ATP8A2: variants seen among roughly 807,000 people sequenced by gnomAD.
ATP8A2 encodes ATPase phospholipid transporting 8A2.
A neutral mutation model predicts 165.6 loss-of-function variants in ATP8A2; 100 were observed. That is an observed-to-expected ratio of 0.60 (90% CI 0.51 to 0.71). The LOEUF (loss-of-function observed/expected upper bound fraction) is 0.71, where lower values mean the gene tolerates loss of function less well. Ranked by LOEUF, ATP8A2 falls within the 30% of genes least tolerant of loss-of-function variation. ATP8A2 has a pLI of 0.00. For synonymous variants in ATP8A2, 543 were observed against 548.8 expected (o/e 0.99, Z 0.15); for missense variants, 1,227 against 1,479.5 (o/e 0.83, Z 2.80).
chr13:25,714,802 G>A (rs79291011), intron 25 of ATP8A2, among the ~76,000 whole-genome samples: 10,209 of 152,164 alleles, frequency 0.067, 1,070 homozygotes, highest in African/African-American at 0.22. Flanking sequence ...CCAATGCAGG[G>A]CACCTGCTTA....
rs532026577 is a variant in ATP8A2, at chr13:25,955,542, C to T, written c.3184-6033C>T. On this transcript the variant is annotated intron_variant, in intron 33 of 36. Transcript: ENST00000381655. ...AAAATCTAGAAGAAATGGATAAATT[C>T]CTGGACACATACACCCTCCCAAGAC... Among the ~76,000 whole-genome samples the T allele has an allele frequency of 1.2e-3, 176 of 152,286 alleles. 1 individual carries two copies. The highest frequency in any genetic ancestry group is 4.2e-3 in the African/African-American group (175 of 41,552).
intron 2 of ATP8A2, among the ~76,000 whole-genome samples, chr13:25,469,772 A>G (rs2035791186): frequency 6.6e-6 from 1 of 152,228 alleles, no homozygotes; most frequent in African/African-American, 2.4e-5. Flanking sequence ...TAATGTACCT[A>G]TAGTCATACA....
At chr13:25,861,017 G>T (rs570064317) in intron 32 of ATP8A2, among the ~76,000 whole-genome samples, 157 bp downstream of exon 32, 1 of 152,094 alleles carries the variant, frequency 6.6e-6, no homozygotes, top group East Asian at 1.9e-4. Context: ...GGGTAAATTT[G>T]CAATCCAAAG....
intron 1 of ATP8A2, among the ~76,000 whole-genome samples, chr13:25,465,715 CTTTCTTTCTTTCTTTCTT>C (rs2035633309): frequency 4.7e-5 from 2 of 42,292 alleles, no homozygotes; most frequent in African/African-American, 1.8e-4. Context: ...TTCTTTCTTT[CTTTCTTTCTTTCTTTCTT>C]TCTTTCCCTC....
At chr13:25,599,618 T>C (rs1274838253) in intron 24 of ATP8A2, among the ~76,000 whole-genome samples, 1 of 152,236 alleles carries the variant, frequency 6.6e-6, no homozygotes, top group Non-Finnish European at 1.5e-5. Context: ...TCTTTTGTAA[T>C]AATTTATTGC....
At chr13:25,972,823 A>C (rs899159323) in intron 35 of ATP8A2, among the ~76,000 whole-genome samples, 1 of 152,198 alleles carries the variant, frequency 6.6e-6, no homozygotes, top group African/African-American at 2.4e-5. Context: ...TACAGATACA[A>C]TATAAACCGA....
At chr13:25,417,828 C>T (rs1224514870) in intron 1 of ATP8A2, among the ~76,000 whole-genome samples, 1 of 152,176 alleles carries the variant, frequency 6.6e-6, no homozygotes, top group Non-Finnish European at 1.5e-5. Context: ...TTATGCATAG[C>T]AAATCTCAAG....
chr13:25,746,527 C>G (rs2044034774), intron 25 of ATP8A2, among the ~76,000 whole-genome samples: 1 of 152,170 alleles, frequency 6.6e-6, no homozygotes, highest in African/African-American at 2.4e-5. Context: ...TGAGGTTACT[C>G]TGTATAGTAG....
intron 23 of ATP8A2, among the ~76,000 whole-genome samples, chr13:25,584,338 C>T (rs2039860434): frequency 3.9e-5 from 6 of 152,148 alleles, no homozygotes; most frequent in Admixed American, 3.3e-4. Context: ...GGTTTCTAAG[C>T]CTGTTTTCTA....
chr13:25,926,296 C>T (rs1283235087), intron 33 of ATP8A2, among the ~76,000 whole-genome samples: 1 of 152,110 alleles, frequency 6.6e-6, no homozygotes, highest in Non-Finnish European at 1.5e-5. Flanking sequence ...GCAGGGTCGT[C>T]TATTTTTCCC....
chr13:25,510,876 A>G (rs2037203932), intron 2 of ATP8A2, among the ~76,000 whole-genome samples: 1 of 152,242 alleles, frequency 6.6e-6, no homozygotes, highest in African/African-American at 2.4e-5. Flanking sequence ...TTAAAGTATT[A>G]TTAAAACAAC....
chr13:25,787,254 G>T (rs915983431), intron 27 of ATP8A2, among the ~76,000 whole-genome samples: 6 of 152,220 alleles, frequency 3.9e-5, no homozygotes, highest in African/African-American at 9.6e-5. Flanking sequence ...GCAACAGCTG[G>T]TCTGTTTTCT....
At chr13:25,631,022 TTACAGTATTTGCATCTTGAG>T (rs1364674292) in intron 24 of ATP8A2, among the ~76,000 whole-genome samples, 11 of 152,190 alleles carry the variant, frequency 7.2e-5, no homozygotes, top group African/African-American at 2.7e-4. Context: ...CATAGCTTAA[TTACAGTATTTGCATCTTGAG>T]TTGTTGACTG....
chr13:25,826,881 C>T (rs1256540683), intron 27 of ATP8A2, among the ~76,000 whole-genome samples: 1 of 148,636 alleles, frequency 6.7e-6, no homozygotes, highest in Non-Finnish European at 1.5e-5. Context: ...TCCGTGTATT[C>T]AGATTACATC....
At chr13:25,446,328 C>CG (rs2035067543) in intron 1 of ATP8A2, among the ~76,000 whole-genome samples, 1 of 152,170 alleles carries the variant, frequency 6.6e-6, no homozygotes, top group Admixed American at 6.5e-5. Context: ...TTTCACCTAG[C>CG]CCCCTCTTCC....
chr13:25,419,503 C>A (rs2034235280), intron 1 of ATP8A2, among the ~76,000 whole-genome samples: 1 of 126,470 alleles, frequency 7.9e-6, no homozygotes. Flanking sequence ...GCTGTTTTAG[C>A]ATTTTTTATG....
At chr13:26,003,349 A>T (rs1956674244) in intron 35 of ATP8A2, among the ~76,000 whole-genome samples, 1 of 60,178 alleles carries the variant, frequency 1.7e-5, no homozygotes, top group South Asian at 1.0e-3. Context: ...ATGTCTATTC[A>T]GGTCCTTTGT....
At chr13:25,950,132 G>A (rs747322273) in intron 33 of ATP8A2, among the ~76,000 whole-genome samples, 4 of 152,102 alleles carry the variant, frequency 2.6e-5, no homozygotes, top group Admixed American at 6.5e-5. Context: ...CACAGTACTC[G>A]TTTTAAACCT....
At chr13:25,784,784 GAGA>G (rs763545574) in intron 27 of ATP8A2, among the ~76,000 whole-genome samples, 2 of 151,166 alleles carry the variant, frequency 1.3e-5, no homozygotes, top group African/African-American at 2.4e-5. Flanking sequence ...TCTTTTGTTT[GAGA>G]AGGAGTCTCG....
Sources: allele counts gnomAD v4.1 joint callset (sites outside exome capture counted in the v4.1 genomes callset), GRCh38; gene constraint gnomAD v4.1.1; transcripts MANE v1.5; gene names NCBI Gene and HGNC (gene_info 2026-07-23, HGNC 2026-07-21).